KIAA0232: variants seen among roughly 807,000 people sequenced by gnomAD.
KIAA0232 encodes uncharacterized protein KIAA0232.
Under a neutral mutation model 122.0 loss-of-function variants are expected in KIAA0232, and 27 were observed. The ratio of observed to expected loss-of-function variants is 0.22; its 90% confidence interval spans 0.16 to 0.31. The LOEUF (loss-of-function observed/expected upper bound fraction) is 0.31, where lower values mean the gene tolerates loss of function less well. KIAA0232 is among the 10% of genes least tolerant of loss of function. KIAA0232 has a pLI of 1.00. For missense variants in KIAA0232, 1,551 were observed against 1,634.2 expected (o/e 0.95, Z 0.88); for synonymous variants, 613 against 587.6 (o/e 1.04, Z -0.63).
intron 3 of KIAA0232, among the ~76,000 whole-genome samples, chr4:6,837,781 G>A (rs866534227): frequency 3.3e-5 from 5 of 152,328 alleles, no homozygotes; most frequent in Non-Finnish European, 5.9e-5. Flanking sequence ...GGCGTGGGCG[G>A]CGCGTGCCAG....
intron 7 of KIAA0232, among the ~76,000 whole-genome samples, chr4:6,868,383 G>A (rs1448382197): frequency 5.9e-5 from 9 of 152,172 alleles, no homozygotes; most frequent in Non-Finnish European, 1.2e-4. Flanking sequence ...ACCTTGGGGA[G>A]CTGACAATAA....
intron 6 of KIAA0232, 106 bp downstream of exon 6, chr4:6,858,612 T>C: frequency 3.0e-6 from 2 of 671,722 alleles, no homozygotes; most frequent in Non-Finnish European, 4.9e-6. Context: ...AGTTTCATTA[T>C]ATATAATGTA....
intron 3 of KIAA0232, among the ~76,000 whole-genome samples, chr4:6,831,414 C>T (rs1039225252): frequency 4.6e-5 from 7 of 152,164 alleles, no homozygotes; most frequent in Non-Finnish European, 5.9e-5. Flanking sequence ...AGTATCCTTT[C>T]GTGATGGCCC....
chr4:6,864,181 G>A lies in KIAA0232; in HGVS notation c.3799G>A (p.Glu1267Lys). The A allele has an allele frequency of 6.2e-7, 1 of 1,607,626 alleles. No individual in the cohort carries two copies. Among genetic ancestry groups the A allele is most frequent in the Non-Finnish European group, 8.5e-7 (1 of 1,176,390 alleles). ...DNPVSSGQLE[E>K]FPVLNTDIQG... is the part of the protein sequence containing the mutation. The stretch of plus-strand genomic sequence containing the variant: ...TCCAGTTTCTTCGGGACAGCTGGAA[G>A]AGGTATGTGTCTGCGTGTTGGTATT... The change falls in exon 7 of 10, where the codon GAG becomes AAG. Residue 1267 changes from glutamate (E) to lysine (K), a missense_variant and splice_region_variant. By Grantham distance (56) the Glu-to-Lys change is moderately conservative (BLOSUM62 1). Transcript: ENST00000307659.
chr4:6,871,254 G>A (rs1189487190), intron 7 of KIAA0232, among the ~76,000 whole-genome samples: 1 of 152,066 alleles, frequency 6.6e-6, no homozygotes, highest in African/African-American at 2.4e-5. Context: ...CCAACATGGC[G>A]AAACCCCATT....
At chr4:6,787,581 T>G (rs1177225397) in intron 1 of KIAA0232, among the ~76,000 whole-genome samples, 1 of 152,236 alleles carries the variant, frequency 6.6e-6, no homozygotes, top group Non-Finnish European at 1.5e-5. Context: ...CTTCCTTTCT[T>G]GACCAGATTT....
chr4:6,838,545 CT>C (rs1719472592), intron 3 of KIAA0232, among the ~76,000 whole-genome samples: 1 of 152,038 alleles, frequency 6.6e-6, no homozygotes. Context: ...TATTCTAGGT[CT>C]GACTGTTACC....
chr4:6,844,378 C>T (rs1374859065), intron 4 of KIAA0232, among the ~76,000 whole-genome samples: 1 of 151,912 alleles, frequency 6.6e-6, no homozygotes, highest in East Asian at 1.9e-4. Context: ...TTTCTCTTCC[C>T]AGCTGTTTTC....
chr4:6,840,329 G>A (rs1719577458), intron 3 of KIAA0232, among the ~76,000 whole-genome samples: 1 of 152,186 alleles, frequency 6.6e-6, no homozygotes, highest in South Asian at 2.1e-4. Flanking sequence ...CTCTCTCTGA[G>A]CCAATCTTTG....
chr4:6,847,565 T>G (rs762739300), intron 4 of KIAA0232, among the ~76,000 whole-genome samples: 10 of 152,234 alleles, frequency 6.6e-5, no homozygotes, highest in Non-Finnish European at 1.2e-4. Flanking sequence ...TGATGGGCTT[T>G]ATTGGTTTTT....
rs968188512 is a variant in KIAA0232 at position 6,811,514 on chromosome 4, C to T, written c.-270+6908C>T. 3.3e-5 allele frequency among the ~76,000 whole-genome samples: 5 copies of T among 152,158 alleles called. No individual in the cohort carries two copies. The East Asian group carries it at 9.6e-4, about 29-fold the overall frequency. On this transcript the variant is annotated intron_variant, in intron 2 of 9. Transcript: ENST00000307659. ...CTGGAGTGCTTTGGCATGATCTTGG[C>T]TCACTGCAGCCTCTGCCTCCCGAGC...
At chr4:6,821,702 GTGTA>G (rs1396168722) in intron 2 of KIAA0232, among the ~76,000 whole-genome samples, 256 of 149,878 alleles carry the variant, frequency 1.7e-3, no homozygotes, top group African/African-American at 5.8e-3. Flanking sequence ...GTGTGTGTGT[GTGTA>G]TATATATATA....
chr4:6,868,459 G>C (rs1255283062), intron 7 of KIAA0232, among the ~76,000 whole-genome samples: 1 of 152,166 alleles, frequency 6.6e-6, no homozygotes, highest in Non-Finnish European at 1.5e-5. Context: ...CTGGACGAGG[G>C]GCATTGGGTT....
intron 1 of KIAA0232, among the ~76,000 whole-genome samples, chr4:6,795,367 C>T (rs943580598): frequency 9.2e-5 from 14 of 152,278 alleles, no homozygotes; most frequent in Middle Eastern, 3.4e-3. Context: ...CCACCGCGCC[C>T]GGCCCACATG....
intron 1 of KIAA0232, among the ~76,000 whole-genome samples, chr4:6,784,595 A>G (rs770280710): frequency 5.9e-5 from 9 of 152,202 alleles, no homozygotes; most frequent in Non-Finnish European, 1.3e-4. Context: ...TTGCATATCT[A>G]TAGAAGCTCC....
chr4:6,862,549 G>C lies in KIAA0232; in HGVS notation c.2167G>C (p.Asp723His). The change falls in exon 7 of 10, where the codon GAC (aspartate) becomes CAC (histidine). Residue 723 changes from aspartate (D) to histidine (H), a missense_variant. Asp to His is a moderately conservative substitution (Grantham distance 81, BLOSUM62 -1). Transcript: ENST00000307659. ...GTCCCATTCAGAAGAAACACGTTCA[G>C]ACAATGAAACATTAAATATTCAGTT... ...PWSHSEETRS[D>H]NETLNIQFEE... 6.2e-7 allele frequency: 1 copy of C among 1,613,450 alleles called. No homozygotes were observed. The highest frequency in any genetic ancestry group is 8.5e-7 in the Non-Finnish European group (1 of 1,179,744).
intron 3 of KIAA0232, among the ~76,000 whole-genome samples, chr4:6,832,094 A>T (rs905001672): frequency 8.5e-5 from 13 of 152,288 alleles, no homozygotes; most frequent in African/African-American, 3.1e-4. Context: ...TCTAGGCAAG[A>T]GAGTTGTGCT....
rs370059420 is a variant in KIAA0232 at position 6,881,009 on chromosome 4, A to T, written c.*43A>T. The T allele has an allele frequency of 7.4e-7, 1 of 1,349,608 alleles. No individual in the cohort carries two copies. The highest frequency in any genetic ancestry group is 9.7e-7 in the Non-Finnish European group (1 of 1,031,842). The allele number at this position is 1,349,608 out of a possible 1,614,324, so 83.6% of individuals were successfully genotyped here. A position where few individuals can be genotyped will look rare whatever the true frequency, so the allele number is the denominator to read the frequency against. ...AATTATTGTTTAAAAATGATATGTG[A>T]TGGAAAATTACTCTTCAGTGAGACC... is the stretch of plus-strand genomic sequence containing the variant. On this transcript the variant is annotated 3_prime_UTR_variant, in exon 10 of 10. Transcript: ENST00000307659.
Position 6,864,196 on chromosome 4 carries a change from G to T in KIAA0232, c.3801+13G>T, listed in dbSNP as rs751038247. The T allele has an allele frequency of 1.3e-6, 2 of 1,586,240 alleles. No homozygotes were observed. Among genetic ancestry groups the T allele is most frequent in the South Asian group, 1.2e-5 (1 of 86,402 alleles). ...ACAGCTGGAAGAGGTATGTGTCTGC[G>T]TGTTGGTATTTGACAAAAGGATTTG... On this transcript the variant is annotated intron_variant, in intron 7 of 9. Transcript: ENST00000307659.
Sources: allele counts gnomAD v4.1 joint callset (sites outside exome capture counted in the v4.1 genomes callset), GRCh38; gene constraint gnomAD v4.1.1; transcripts MANE v1.5; gene names NCBI Gene and HGNC (gene_info 2026-07-23, HGNC 2026-07-21).